SCD5: variants seen among roughly 807,000 people sequenced by gnomAD.
The protein encoded by SCD5 is stearoyl-CoA desaturase 5.
SCD5 carries 20 observed loss-of-function variants against 30.4 expected under a neutral mutation model. The observed-to-expected ratio is 0.66, with a 90% confidence interval of 0.46 to 0.96. SCD5 has a LOEUF of 0.96. SCD5 is among the 40% of genes least tolerant of loss of function. The pLI is 0.00. For missense variants in SCD5, 381 were observed against 443.3 expected (o/e 0.86, Z 1.26); for synonymous variants, 173 against 176.4 (o/e 0.98, Z 0.16).
chr4:82,698,641 C>T lies in SCD5; in HGVS notation c.363+6642G>A, dbSNP rs74685410. Among the ~76,000 whole-genome samples the T allele has an allele frequency of 8.8e-3, 1,347 of 152,318 alleles. 29 individuals are homozygous for T. Among genetic ancestry groups the T allele is most frequent in the African/African-American group, 0.03 (1,262 of 41,566 alleles). ...ATCCCCCACTCTGGCCTTGCACTCA[C>T]ATGGACCAGCCACGCTGGCCATCTT... is the stretch of plus-strand genomic sequence containing the variant. On this transcript the variant is annotated intron_variant, in intron 2 of 4. Coordinates refer to ENST00000319540, the MANE Select transcript of SCD5 (RefSeq NM_001037582.3).
intron 1 of SCD5, among the ~76,000 whole-genome samples, chr4:82,733,284 C>T (rs1720681144): frequency 6.6e-6 from 1 of 152,300 alleles, no homozygotes; most frequent in Admixed American, 6.5e-5. Flanking sequence ...ACATCAGCCC[C>T]CTCCCCAGAG....
At chr4:82,758,854 C>G (rs1337568751) in intron 1 of SCD5, among the ~76,000 whole-genome samples, 1 of 152,220 alleles carries the variant, frequency 6.6e-6, no homozygotes, top group Non-Finnish European at 1.5e-5. Context: ...AAGGGTCACT[C>G]ATGCCTGGCT....
At chr4:82,699,237 G>T (rs1719762160) in intron 2 of SCD5, among the ~76,000 whole-genome samples, 2 of 152,070 alleles carry the variant, frequency 1.3e-5, no homozygotes, top group Admixed American at 1.3e-4. Context: ...GCAGTAAGAG[G>T]GTGACTTCTG....
chr4:82,636,472 A>G (rs1227869862), intron 4 of SCD5, 119 bp downstream of exon 4: 3 of 725,768 alleles, frequency 4.1e-6, no homozygotes, highest in Non-Finnish European at 6.7e-6. Flanking sequence ...AAAAAAGCTC[A>G]AGTTCACTGA....
intron 3 of SCD5, among the ~76,000 whole-genome samples, chr4:82,677,912 G>A (rs745802538): frequency 6.6e-5 from 10 of 151,800 alleles, no homozygotes; most frequent in Non-Finnish European, 1.0e-4. Context: ...TGGCTTTCCT[G>A]GGCCTAGGCA....
rs553391835 is a variant in SCD5, at chr4:82,630,816, A to G, written c.*511T>C. 2 of 145,120 alleles carry G rather than the reference A, an allele frequency of 1.4e-5. No individual in the cohort carries two copies. The highest frequency in any genetic ancestry group is 3.0e-5 in the Non-Finnish European group (2 of 65,794). The allele number at this position is 145,120 out of a possible 1,614,324, so 9.0% of individuals were successfully genotyped here. A position where few individuals can be genotyped will look rare whatever the true frequency, so the allele number is the denominator to read the frequency against. On this transcript the variant is annotated 3_prime_UTR_variant, in exon 5 of 5. Transcript: ENST00000319540. ...GCGAGCCTCCGTCTCAAAAAAAAAA[A>G]AGTTTTTTTCGGCAGGGTGCGGTGG...
chr4:82,700,177 A>G (rs1719789200), intron 2 of SCD5, among the ~76,000 whole-genome samples: 1 of 152,098 alleles, frequency 6.6e-6, no homozygotes, highest in Non-Finnish European at 1.5e-5. Flanking sequence ...AGATCACACC[A>G]CTGCATTACA....
chr4:82,635,684 C>G lies in SCD5; in HGVS notation c.802+907G>C, dbSNP rs147853694. Among the ~76,000 whole-genome samples, 1,325 of 151,030 alleles carry G rather than the reference C, an allele frequency of 8.8e-3. 17 individuals carry two copies. Among genetic ancestry groups the G allele is most frequent in the African/African-American group, 0.028 (1,145 of 40,964 alleles). Reference sequence around the variant, plus strand: ...TCATACAAGCACTGGTAGGAACACTCTGTATCAACTCATTTAGCCCTCTAA... The same window carrying G: ...TCATACAAGCACTGGTAGGAACACTGTGTATCAACTCATTTAGCCCTCTAA... On this transcript the variant is annotated intron_variant, in intron 4 of 4. Coordinates refer to ENST00000319540, the MANE Select transcript of SCD5 (RefSeq NM_001037582.3).
At chr4:82,753,797 GAAGTC>G (rs1721162918) in intron 1 of SCD5, among the ~76,000 whole-genome samples, 1 of 152,056 alleles carries the variant, frequency 6.6e-6, no homozygotes, top group Non-Finnish European at 1.5e-5. Context: ...CCCCCTGACA[GAAGTC>G]TATGAAAATC....
chr4:82,707,063 C>T (rs1008863553), intron 1 of SCD5, among the ~76,000 whole-genome samples: 1 of 152,200 alleles, frequency 6.6e-6, no homozygotes, highest in Non-Finnish European at 1.5e-5. Context: ...TTCTTAATTT[C>T]TCTTCTATGA....
chr4:82,641,623 G>A (rs373778893), intron 3 of SCD5, among the ~76,000 whole-genome samples: 1 of 152,168 alleles, frequency 6.6e-6, no homozygotes, highest in South Asian at 2.1e-4. Context: ...GACTGGGGCT[G>A]CATGAGACTT....
rs548094268 is a variant in SCD5, at chr4:82,794,835, T to C, written c.232+3471A>G. Among the ~76,000 whole-genome samples, 15 of 152,114 alleles carry C rather than the reference T, an allele frequency of 9.9e-5. No individual in the cohort carries two copies. In the South Asian group the frequency reaches 2.9e-3, roughly 29 times the overall value. ...CGGCTAATTTTTGTATTTTTTTTAGTAGAGATGGGGTTTCACCGTGTTAGC... is the reference window on the plus strand; with the variant it reads ...CGGCTAATTTTTGTATTTTTTTTAGCAGAGATGGGGTTTCACCGTGTTAGC... On this transcript the variant is annotated intron_variant, in intron 1 of 4. Transcript: ENST00000319540.
In SCD5 at chr4:82,712,289, TA is replaced by T. The variant is rs1560540850; in HGVS notation, c.233-6877del. On this transcript the variant is annotated intron_variant, in intron 1 of 4. Transcript: ENST00000319540. Reference sequence around the variant, plus strand: ...ATATATATATATATATATATATATATATATATATTTTATTTTTATTTTATTT... The same window carrying T: ...ATATATATATATATATATATATATATTATATATTTTATTTTTATTTTATTT... 2.9e-4 allele frequency among the ~76,000 whole-genome samples: 14 copies of T among 47,866 alleles called. 2 individuals carry two copies. The highest frequency in any genetic ancestry group is 6.8e-4 in the Admixed American group (3 of 4,440). The allele number at this position is 47,866 out of a possible 152,430, so 31.4% of individuals were successfully genotyped here. A position where few individuals can be genotyped will look rare whatever the true frequency, so the allele number is the denominator to read the frequency against.
At chr4:82,783,719 C>T (rs1444473745) in intron 1 of SCD5, among the ~76,000 whole-genome samples, 2 of 151,384 alleles carry the variant, frequency 1.3e-5, no homozygotes, top group Non-Finnish European at 2.9e-5. Context: ...AGGAGAATCG[C>T]TTGAACCTAG....
chr4:82,633,366 C>T (rs1299454487), intron 4 of SCD5, among the ~76,000 whole-genome samples: 1 of 152,148 alleles, frequency 6.6e-6, no homozygotes, highest in Non-Finnish European at 1.5e-5. Context: ...GATACATATT[C>T]TTTATCCATT....
chr4:82,666,035 A>AT (rs1728178668), intron 3 of SCD5, among the ~76,000 whole-genome samples: 1 of 152,108 alleles, frequency 6.6e-6, no homozygotes, highest in African/African-American at 2.4e-5. Context: ...TTATTCTTAT[A>AT]TTTTGTTTAT....
At chr4:82,790,811 A>C (rs990184093) in intron 1 of SCD5, among the ~76,000 whole-genome samples, 2 of 152,216 alleles carry the variant, frequency 1.3e-5, no homozygotes, top group African/African-American at 4.8e-5. Context: ...AAAGAAAAAA[A>C]AAAGCCAGGG....
At chr4:82,638,853 G>A (rs1004923765) in intron 3 of SCD5, among the ~76,000 whole-genome samples, 6 of 152,228 alleles carry the variant, frequency 3.9e-5, no homozygotes, top group Non-Finnish European at 8.8e-5. Context: ...TGCCAGGGCA[G>A]TTCTGAGACC....
intron 3 of SCD5, among the ~76,000 whole-genome samples, chr4:82,638,814 C>T (rs761391234): frequency 6.6e-6 from 1 of 152,212 alleles, no homozygotes; most frequent in Non-Finnish European, 1.5e-5. Flanking sequence ...CAAATACTAA[C>T]AGCTAAGGCA....
Sources: allele counts gnomAD v4.1 joint callset (sites outside exome capture counted in the v4.1 genomes callset), GRCh38; gene constraint gnomAD v4.1.1; transcripts MANE v1.5; gene names NCBI Gene and HGNC (gene_info 2026-07-23, HGNC 2026-07-21).